P4HA2: variants seen among roughly 807,000 people sequenced by gnomAD.
P4HA2 encodes prolyl 4-hydroxylase subunit alpha 2.
Under a neutral mutation model 76.9 loss-of-function variants are expected in P4HA2, and 46 were observed. The observed-to-expected ratio is 0.60, with a 90% confidence interval of 0.47 to 0.76. P4HA2 has a LOEUF of 0.76. P4HA2 is among the 30% of genes least tolerant of loss of function. P4HA2 has a pLI of 0.00. For synonymous variants in P4HA2, 243 were observed against 254.0 expected (o/e 0.96, Z 0.41); for missense variants, 583 against 669.4 (o/e 0.87, Z 1.42).
At chr5:132,202,033 A>T (rs1751569314) in intron 10 of P4HA2, 1 of 152,220 alleles carries the variant, frequency 6.6e-6, no homozygotes, top group East Asian at 1.9e-4. Flanking sequence ...CTCCAAGAAG[A>T]TATGAATCAA....
At chr5:132,214,155 A>G (rs1753528818) in intron 4 of P4HA2, 102 bp from the exon 5 acceptor site, 3 of 1,177,288 alleles carry the variant, frequency 2.5e-6, no homozygotes, top group Non-Finnish European at 3.6e-6. Context: ...GGCTAGTGAA[A>G]TTTCCCCGCC....
chr5:132,218,482 C>T (rs1754224804), intron 2 of P4HA2, 63 bp downstream of exon 2: 1 of 1,155,404 alleles, frequency 8.7e-7, no homozygotes, highest in Non-Finnish European at 1.3e-6. Context: ...CAGGCTGCAG[C>T]CAGAGACATC....
Position 132,194,924 on chromosome 5 carries a change from AC to A in P4HA2, c.1531+1del. ...ACCAACACTACCCCTTAAGACACTC[AC>A]CCCACTTGCAGCCCACAAGCACAGG... On this transcript the variant is annotated splice_donor_variant, in intron 14 of 14. Coordinates refer to ENST00000360568, the MANE Select transcript of P4HA2 (RefSeq NM_001017974.2). LOFTEE classifies it high-confidence loss of function. 6.2e-7 allele frequency: 1 copy of A among 1,603,300 alleles called. No homozygotes were observed. The highest frequency in any genetic ancestry group is 1.3e-5 in the African/African-American group (1 of 74,726).
Position 132,195,309 on chromosome 5 carries a change from T to C in P4HA2, c.1434+103A>G, listed in dbSNP as rs546456457. On this transcript the variant is annotated intron_variant, in intron 13 of 14. Coordinates refer to ENST00000360568, the MANE Select transcript of P4HA2 (RefSeq NM_001017974.2). Reference sequence around the variant, plus strand: ...CAGACCCCAGGTGGGCTAAGGCACATCACAGTGACAATCAGGCAGGCCAGG... The same window carrying C: ...CAGACCCCAGGTGGGCTAAGGCACACCACAGTGACAATCAGGCAGGCCAGG... 353 of 892,024 alleles carry C rather than the reference T, an allele frequency of 4.0e-4. 4 individuals carry two copies. The South Asian group carries it at 4.6e-3, about 12-fold the overall frequency. 55.3% of individuals were successfully genotyped at this position (892,024 alleles called of 1,614,324 possible).
intron 8 of P4HA2, among the ~76,000 whole-genome samples, chr5:132,207,303 G>C (rs1473393893): frequency 6.6e-6 from 1 of 152,138 alleles, no homozygotes; most frequent in Non-Finnish European, 1.5e-5. Context: ...ATATTATAAA[G>C]ATATACATTC....
At chr5:132,217,119 A>G (rs1754014366) in intron 4 of P4HA2, 78 bp downstream of exon 4, 3 of 1,408,672 alleles carry the variant, frequency 2.1e-6, no homozygotes, top group Non-Finnish European at 9.8e-7. Context: ...CAGACCCAAG[A>G]CAGGCTCAGA....
At chr5:132,226,322 C>T (rs154487) in intron 1 of P4HA2, among the ~76,000 whole-genome samples, 127,210 of 152,128 alleles carry the variant, frequency 0.84, 53,469 homozygotes, top group African/African-American at 0.91. Context: ...GCCCTTGCTC[C>T]TAGGACAGGA....
chr5:132,203,569 T>C (rs1751798966), intron 10 of P4HA2, 179 bp downstream of exon 10: 3 of 597,562 alleles, frequency 5.0e-6, no homozygotes, highest in Non-Finnish European at 9.0e-6. Flanking sequence ...GAACACTAAT[T>C]GTTGAAAGCC....
chr5:132,225,743 C>T (rs1419782281), intron 1 of P4HA2, among the ~76,000 whole-genome samples: 2 of 152,206 alleles, frequency 1.3e-5, no homozygotes, highest in Admixed American at 6.5e-5. Flanking sequence ...CAGTCTAAAC[C>T]GGTGACTAAG....
intron 4 of P4HA2, 69 bp downstream of exon 4, chr5:132,217,128 G>A: frequency 1.3e-6 from 2 of 1,486,682 alleles, no homozygotes; most frequent in Non-Finnish European, 1.8e-6. Context: ...GACAGGCTCA[G>A]ACACAACAAC....
chr5:132,218,513 G>A (rs1754230020), intron 2 of P4HA2, 32 bp downstream of exon 2: 18 of 1,474,770 alleles, frequency 1.2e-5, no homozygotes, highest in Non-Finnish European at 1.6e-5. Context: ...GAGCCAAGGT[G>A]TCAGGGAGAC....
Position 132,193,350 on chromosome 5 carries a change from C to A in P4HA2, c.1532-270G>T, listed in dbSNP as rs112275385. On this transcript the variant is annotated intron_variant, in intron 14 of 14. Coordinates refer to ENST00000360568, the MANE Select transcript of P4HA2 (RefSeq NM_001017974.2). The stretch of plus-strand genomic sequence containing the variant: ...GGGCATCTAATCATGCCCTTTCATG[C>A]CCATGACCTTTGATGCCCTTTGGCT... The A allele has an allele frequency of 1.5e-3, 463 of 300,362 alleles. 3 individuals carry two copies. The highest frequency in any genetic ancestry group is 8.9e-3 in the African/African-American group (413 of 46,512). 18.6% of individuals were successfully genotyped at this position (300,362 alleles called of 1,614,324 possible). A position where few individuals can be genotyped will look rare whatever the true frequency, so the allele number is the denominator to read the frequency against.
intron 9 of P4HA2, 39 bp from the exon 10 acceptor site, chr5:132,203,886 G>A: frequency 6.7e-7 from 1 of 1,489,350 alleles, no homozygotes; most frequent in African/African-American, 1.4e-5. Context: ...GAAGACGGAA[G>A]GGCAGGCTTC....
chr5:132,193,327 G>A (rs775957351), intron 14 of P4HA2: 9 of 370,766 alleles, frequency 2.4e-5, no homozygotes, highest in Non-Finnish European at 3.9e-5. Flanking sequence ...GCACCCAAGG[G>A]CATCTAATCA....
At chr5:132,223,712 A>G (rs1365836829) in intron 1 of P4HA2, among the ~76,000 whole-genome samples, 3 of 152,178 alleles carry the variant, frequency 2.0e-5, no homozygotes, top group African/African-American at 7.2e-5. Flanking sequence ...CATTTCTACT[A>G]TCTAATTCTC....
At chr5:132,198,791 G>T in intron 11 of P4HA2, 88 bp downstream of exon 11, 2 of 909,944 alleles carry the variant, frequency 2.2e-6, no homozygotes, top group Non-Finnish European at 1.8e-6. Context: ...GGGTACTGAT[G>T]TGGAGGCTGA....
chr5:132,218,930 A>G (rs1042839056), intron 1 of P4HA2, among the ~76,000 whole-genome samples: 1 of 152,196 alleles, frequency 6.6e-6, no homozygotes, highest in Non-Finnish European at 1.5e-5. Flanking sequence ...GCGGAATCGC[A>G]GTGGGGTACA....
chr5:132,227,086 C>T (rs1251806030), intron 1 of P4HA2: 1 of 152,696 alleles, frequency 6.5e-6, no homozygotes, highest in Non-Finnish European at 1.5e-5. Flanking sequence ...CAGCGCTCAC[C>T]ACACTGCTCT....
At chr5:132,193,390 A>C in intron 14 of P4HA2, 1 of 169,818 alleles carries the variant, frequency 5.9e-6, no homozygotes, top group Non-Finnish European at 1.2e-5. Flanking sequence ...TCCCATGGCA[A>C]CCTGCACACA....
Sources: gnomAD v4.1 joint callset for allele counts (sites outside exome capture counted in the v4.1 genomes callset) on GRCh38, gnomAD v4.1.1 for gene constraint, MANE v1.5 for transcripts, NCBI Gene and HGNC (gene_info 2026-07-23, HGNC 2026-07-21) for gene names.